The following CPNE4 variants were observed in gnomAD, a reference collection of about 807,000 sequenced individuals.
The protein encoded by CPNE4 is copine-4.
Under a neutral mutation model 67.9 loss-of-function variants are expected in CPNE4, and 25 were observed. The observed-to-expected ratio is 0.37, with a 90% confidence interval of 0.27 to 0.51. CPNE4 has a LOEUF of 0.51. Ranked by LOEUF, CPNE4 falls within the 20% of genes least tolerant of loss-of-function variation. The probability of loss-of-function intolerance (pLI) is 0.93; values close to 1 mark genes in which losing one functional copy is unlikely to be tolerated. For synonymous variants in CPNE4, 242 were observed against 244.9 expected (o/e 0.99, Z 0.11); for missense variants, 464 against 690.8 (o/e 0.67, Z 3.68).
intron 7 of CPNE4, among the ~76,000 whole-genome samples, chr3:131,617,381 C>T (rs1940210848): frequency 6.6e-6 from 1 of 152,152 alleles, no homozygotes; most frequent in African/African-American, 2.4e-5. Flanking sequence ...AGCTCTAATG[C>T]TGTCACATCC....
intron 2 of CPNE4, among the ~76,000 whole-genome samples, chr3:131,777,888 A>G (rs1047092819): frequency 2.6e-5 from 4 of 151,998 alleles, no homozygotes; most frequent in Non-Finnish European, 5.9e-5. Context: ...CCTTTATTGC[A>G]GCTGTTGGTT....
chr3:131,574,309 T>C (rs1937486148), intron 10 of CPNE4, among the ~76,000 whole-genome samples: 1 of 152,102 alleles, frequency 6.6e-6, no homozygotes, highest in Admixed American at 6.6e-5. Flanking sequence ...TGGGGATTCT[T>C]TTTCTGGAAG....
intron 6 of CPNE4, among the ~76,000 whole-genome samples, chr3:131,674,612 G>C (rs1692065398): frequency 6.6e-6 from 1 of 151,836 alleles, no homozygotes; most frequent in African/African-American, 2.4e-5. Flanking sequence ...TTGGCATATA[G>C]TTGCTCATAG....
chr3:131,757,622 T>C (rs2082783383), intron 2 of CPNE4, among the ~76,000 whole-genome samples: 1 of 152,242 alleles, frequency 6.6e-6, no homozygotes, highest in Non-Finnish European at 1.5e-5. Flanking sequence ...TCAAGCCGGC[T>C]GCAGAAATTT....
chr3:131,687,674 C>T (rs2080926600), intron 5 of CPNE4, among the ~76,000 whole-genome samples: 1 of 152,222 alleles, frequency 6.6e-6, no homozygotes, highest in South Asian at 2.1e-4. Flanking sequence ...CCATCCTAGT[C>T]TTCAGCTCAG....
chr3:131,711,572 A>G (rs943279585), intron 3 of CPNE4, among the ~76,000 whole-genome samples: 1 of 152,144 alleles, frequency 6.6e-6, no homozygotes, highest in Non-Finnish European at 1.5e-5. Flanking sequence ...GCCCAAGAGC[A>G]TGCACCTTTG....
chr3:131,835,179 T>A (rs1004716614), intron 2 of CPNE4, among the ~76,000 whole-genome samples: 6 of 152,152 alleles, frequency 3.9e-5, no homozygotes, highest in Non-Finnish European at 7.4e-5. Context: ...CTCATCTATA[T>A]CTTGGTTTGT....
chr3:131,593,584 T>G (rs531779276), intron 7 of CPNE4, among the ~76,000 whole-genome samples: 4 of 152,356 alleles, frequency 2.6e-5, no homozygotes, highest in African/African-American at 9.6e-5. Flanking sequence ...CCGTTAGGGT[T>G]TTGTACATAT....
At chr3:131,943,790 A>G (rs1252679751) in intron 1 of CPNE4, among the ~76,000 whole-genome samples, 5 of 152,080 alleles carry the variant, frequency 3.3e-5, no homozygotes, top group Admixed American at 3.3e-4. Context: ...AACCTCATAA[A>G]GTCTAAATTG....
At chr3:131,788,463 T>G (rs887194023) in intron 2 of CPNE4, among the ~76,000 whole-genome samples, 4 of 152,122 alleles carry the variant, frequency 2.6e-5, no homozygotes, top group Non-Finnish European at 5.9e-5. Flanking sequence ...AGGGGAAAGT[T>G]TTTTAGGTAC....
intron 2 of CPNE4, among the ~76,000 whole-genome samples, chr3:131,835,970 A>C (rs2085542467): frequency 6.6e-6 from 1 of 152,158 alleles, no homozygotes; most frequent in East Asian, 1.9e-4. Flanking sequence ...TAGGAAAGGA[A>C]TCTTTTCAAT....
intron 1 of CPNE4, among the ~76,000 whole-genome samples, chr3:132,006,219 G>C (rs1005072875): frequency 2.0e-5 from 3 of 152,074 alleles, no homozygotes; most frequent in African/African-American, 7.2e-5. Flanking sequence ...CATGGAAAAA[G>C]CATGGCTATG....
chr3:131,786,865 T>C (rs112221797), intron 2 of CPNE4, among the ~76,000 whole-genome samples: 5 of 152,270 alleles, frequency 3.3e-5, no homozygotes, highest in African/African-American at 1.2e-4. Flanking sequence ...ATTTGTATTG[T>C]CTGGGGAAAA....
intron 2 of CPNE4, among the ~76,000 whole-genome samples, chr3:131,756,807 C>A (rs570434077): frequency 6.6e-6 from 1 of 152,130 alleles, no homozygotes. Context: ...AGAATTCCCA[C>A]GTGTGATGGA....
chr3:131,994,223 A>G lies in CPNE4; in HGVS notation c.-2+40344T>C, dbSNP rs571115735. On this transcript the variant is annotated intron_variant, in intron 1 of 15. Transcript: ENST00000429747. ...TGAACAAATGAAGATGTATAACTCA[A>G]CTTCATGGATTGGAAGATTTAATAT... Among the ~76,000 whole-genome samples the G allele has an allele frequency of 2.9e-4, 39 of 136,818 alleles. 2 individuals carry two copies. Among genetic ancestry groups the G allele is most frequent in the African/African-American group, 9.0e-4 (37 of 40,926 alleles). The allele number at this position is 136,818 out of a possible 152,430, so 89.8% of individuals were successfully genotyped here. A position where few individuals can be genotyped will look rare whatever the true frequency, so the allele number is the denominator to read the frequency against.
intron 1 of CPNE4, among the ~76,000 whole-genome samples, chr3:132,026,034 A>G (rs748652591): frequency 6.6e-6 from 1 of 152,240 alleles, no homozygotes; most frequent in Non-Finnish European, 1.5e-5. Flanking sequence ...AACTATGTGC[A>G]GTAGTAATAT....
At chr3:131,818,361 G>A (rs931234107) in intron 2 of CPNE4, among the ~76,000 whole-genome samples, 1 of 152,164 alleles carries the variant, frequency 6.6e-6, no homozygotes, top group South Asian at 2.1e-4. Flanking sequence ...AACATTATAG[G>A]ATCTGCTTGT....
intron 1 of CPNE4, among the ~76,000 whole-genome samples, chr3:132,010,238 C>A (rs16838249): frequency 0.034 from 5,143 of 152,212 alleles, 320 homozygotes; most frequent in African/African-American, 0.12. Context: ...CCTAACCTGG[C>A]GTGAAGTTTA....
chr3:132,005,674 C>T (rs950038023), intron 1 of CPNE4, among the ~76,000 whole-genome samples: 2 of 151,810 alleles, frequency 1.3e-5, no homozygotes, highest in Admixed American at 6.6e-5. Flanking sequence ...GTTCCAGGAC[C>T]CCCACATATA....
Sources: gnomAD v4.1 joint callset for allele counts (sites outside exome capture counted in the v4.1 genomes callset) on GRCh38, gnomAD v4.1.1 for gene constraint, MANE v1.5 for transcripts, NCBI Gene and HGNC (gene_info 2026-07-23, HGNC 2026-07-21) for gene names.